Variants in ABCB4 observed in about 807,000 individuals in gnomAD.
ABCB4 encodes phosphatidylcholine translocator ABCB4.
A neutral mutation model predicts 145.7 loss-of-function variants in ABCB4; 76 were observed. That is an observed-to-expected ratio of 0.52 (90% CI 0.43 to 0.63). The LOEUF (loss-of-function observed/expected upper bound fraction) is 0.63, where lower values mean the gene tolerates loss of function less well. Ranked by LOEUF, ABCB4 falls within the 30% of genes least tolerant of loss-of-function variation. The pLI is 0.00. For synonymous variants in ABCB4, 517 were observed against 566.8 expected (o/e 0.91, Z 1.25); for missense variants, 1,234 against 1,553.1 (o/e 0.79, Z 3.45).
chr7:87,377,286 G>T, the ABCB4 span: 1 of 971,730 alleles, frequency 1.0e-6, no homozygotes, highest in Non-Finnish European at 1.6e-6. Flanking sequence ...ATGTGTTTAA[G>T]ATGTAAATTC....
chr7:87,462,763 A>G lies in ABCB4; in HGVS notation c.281T>C (p.Phe94Ser). The G allele has an allele frequency of 6.2e-7, 1 of 1,613,990 alleles. No homozygotes were observed. The highest frequency in any genetic ancestry group is 8.5e-7 in the Non-Finnish European group (1 of 1,179,880). The change falls in exon 4 of 28, where the codon TTT becomes TCT. Residue 94 changes from phenylalanine to serine, a missense_variant. Physicochemically the swap from Phe to Ser is radical, Grantham distance 155. Coordinates refer to ENST00000649586, the MANE Select transcript of ABCB4 (RefSeq NM_000443.4). Reference protein sequence around the residue: ...KFVDTAGNFSFPVNFSLSLLN... With the variant: ...KFVDTAGNFSSPVNFSLSLLN... ...AAAGGTAAAGAAATGCTTACCTGGAAAGGAGAAGTTTCCTGCAGTATCAAC... is the reference window on the plus strand; with the variant it reads ...AAAGGTAAAGAAATGCTTACCTGGAGAGGAGAAGTTTCCTGCAGTATCAAC...
intron 16 of ABCB4, among the ~76,000 whole-genome samples, chr7:87,425,801 G>A (rs909817286): frequency 4.6e-5 from 7 of 151,916 alleles, no homozygotes; most frequent in South Asian, 2.1e-4. Context: ...AGTTGAGCCC[G>A]GGAAGTGGAG....
chr7:87,375,790 C>T, the ABCB4 span: 1 of 1,612,452 alleles, frequency 6.2e-7, no homozygotes, highest in South Asian at 1.1e-5. Context: ...TATTGTATTT[C>T]AGTTGTAATA....
chr7:87,459,482 T>C (rs1812311660), intron 4 of ABCB4, among the ~76,000 whole-genome samples: 1 of 152,210 alleles, frequency 6.6e-6, no homozygotes, highest in Non-Finnish European at 1.5e-5. Context: ...GTTATTTCCC[T>C]TCAAAAGGCT....
At chr7:87,448,631 T>C (rs1584757573) in intron 8 of ABCB4, 1 of 152,408 alleles carries the variant, frequency 6.6e-6, no homozygotes, top group South Asian at 2.1e-4. Flanking sequence ...GTGGCTCGCT[T>C]ACCGGGGCTA....
intron 3 of ABCB4, among the ~76,000 whole-genome samples, chr7:87,465,298 C>A (rs1447810031): frequency 6.6e-6 from 1 of 152,192 alleles, no homozygotes; most frequent in Non-Finnish European, 1.5e-5. Context: ...AGTCTGAAAT[C>A]AATCTGCAAG....
chr7:87,462,268 C>T (rs575403592), intron 4 of ABCB4, among the ~76,000 whole-genome samples: 4 of 152,252 alleles, frequency 2.6e-5, no homozygotes, highest in African/African-American at 9.6e-5. Context: ...TCTCAAGTTC[C>T]AGTCAATCTG....
the ABCB4 span, chr7:87,375,791 A>G: frequency 6.2e-7 from 1 of 1,612,716 alleles, no homozygotes; most frequent in Non-Finnish European, 8.5e-7. Flanking sequence ...ATTGTATTTC[A>G]GTTGTAATAT....
At position 87,401,753 on chromosome 7, in the gene ABCB4, T is replaced by A. The variant is rs1015889436; in HGVS notation, c.*343A>T. The A allele has an allele frequency of 6.0e-6, 2 of 333,852 alleles. No individual in the cohort carries two copies. Among genetic ancestry groups the A allele is most frequent in the African/African-American group, 4.2e-5 (2 of 47,244 alleles). 20.7% of individuals were successfully genotyped at this position (333,852 alleles called of 1,614,324 possible). A position where few individuals can be genotyped will look rare whatever the true frequency, so the allele number is the denominator to read the frequency against. On this transcript the variant is annotated 3_prime_UTR_variant, in exon 28 of 28. Coordinates refer to ENST00000649586, the MANE Select transcript of ABCB4 (RefSeq NM_000443.4). ...ACTTGGGAAAATTATTCCCAAACTTTCCTGTCTACCCAACCCATTCAGGAC... is the reference window on the plus strand; with the variant it reads ...ACTTGGGAAAATTATTCCCAAACTTACCTGTCTACCCAACCCATTCAGGAC...
chr7:87,426,203 T>C (rs918499673), intron 16 of ABCB4, among the ~76,000 whole-genome samples: 4 of 152,124 alleles, frequency 2.6e-5, no homozygotes, highest in Non-Finnish European at 4.4e-5. Context: ...CCTTAGATCA[T>C]AAGTGACCCT....
chr7:87,406,950 C>T (rs1310649883), intron 25 of ABCB4, among the ~76,000 whole-genome samples: 2 of 152,194 alleles, frequency 1.3e-5, no homozygotes, highest in African/African-American at 2.4e-5. Flanking sequence ...CCTACCTCTA[C>T]CTCTCTTTTC....
chr7:87,452,566 T>G (rs977948464), intron 6 of ABCB4: 7 of 303,286 alleles, frequency 2.3e-5, no homozygotes, highest in Admixed American at 9.7e-5. Context: ...CCCTCAAATA[T>G]TTGTTGAATA....
chr7:87,393,141 C>T, the ABCB4 span: 1 of 1,464,060 alleles, frequency 6.8e-7, no homozygotes, highest in Non-Finnish European at 9.3e-7. Flanking sequence ...AAATGCCTTT[C>T]CTACACTGTG....
At chr7:87,396,207 T>C in the ABCB4 span, among the ~76,000 whole-genome samples, 1 of 152,108 alleles carries the variant, frequency 6.6e-6, no homozygotes, top group Admixed American at 6.6e-5. Context: ...GGTGGGAAGA[T>C]TGCTTGAGGC....
intron 16 of ABCB4, among the ~76,000 whole-genome samples, chr7:87,424,672 T>C (rs1216038884): frequency 6.6e-6 from 1 of 152,242 alleles, no homozygotes; most frequent in African/African-American, 2.4e-5. Context: ...TGCAGACTTC[T>C]CTTATTTCAT....
chr7:87,379,604 G>T, the ABCB4 span, among the ~76,000 whole-genome samples: 2 of 152,004 alleles, frequency 1.3e-5, no homozygotes, highest in African/African-American at 4.8e-5. Flanking sequence ...AAAGAATATT[G>T]GGCTCATAAT....
downstream of ABCB4, chr7:87,398,571 C>T (rs867575318): frequency 2.3e-5 from 37 of 1,613,504 alleles, no homozygotes; most frequent in South Asian, 4.4e-5. Context: ...GAGACTGATG[C>T]GGAAAAGCTA....
intron 4 of ABCB4, among the ~76,000 whole-genome samples, chr7:87,458,520 A>G (rs938387462): frequency 6.6e-6 from 1 of 152,204 alleles, no homozygotes; most frequent in East Asian, 1.9e-4. Flanking sequence ...CATCTCTAAG[A>G]GATAAGCTGG....
At chr7:87,393,915 C>A in the ABCB4 span, among the ~76,000 whole-genome samples, 1 of 151,986 alleles carries the variant, frequency 6.6e-6, no homozygotes, top group Non-Finnish European at 1.5e-5. Flanking sequence ...TGAAAAAACT[C>A]AAAACTGTGT....
Sources: allele counts gnomAD v4.1 joint callset (sites outside exome capture counted in the v4.1 genomes callset), GRCh38; gene constraint gnomAD v4.1.1; transcripts MANE v1.5; gene names NCBI Gene and HGNC (gene_info 2026-07-23, HGNC 2026-07-21).